MAP4: variants seen among roughly 807,000 people sequenced by gnomAD.
MAP4 encodes the protein microtubule associated protein 4, also known as microtubule-associated protein 4.
MAP4 carries 76 observed loss-of-function variants against 170.2 expected under a neutral mutation model. The ratio of observed to expected loss-of-function variants is 0.45; its 90% CI spans 0.37 to 0.54. The LOEUF is 0.54. MAP4 is among the 20% of genes least tolerant of loss of function. The pLI, the probability that MAP4 is intolerant of heterozygous loss-of-function variation, is 0.00. For missense variants in MAP4, 2,506 were observed against 2,748.0 expected (o/e 0.91, Z 1.97); for synonymous variants, 909 against 994.5 (o/e 0.91, Z 1.62).
At chr3:47,936,975 C>T (rs1325962581) in intron 3 of MAP4, among the ~76,000 whole-genome samples, 2 of 130,332 alleles carry the variant, frequency 1.5e-5, no homozygotes, top group African/African-American at 3.2e-5. Flanking sequence ...AGCGAAACTC[C>T]GTCTCAAAAA....
chr3:48,043,306 G>T lies in MAP4; in HGVS notation c.-19-44427C>A, dbSNP rs1268682582. ...AGTAGAGACGGGGTTTTGCCATGTT[G>T]GTCAGGCTGGTCTCGAACTCCTGGC... is the stretch of plus-strand genomic sequence containing the variant. On this transcript the variant is annotated intron_variant, in intron 1 of 18. Coordinates refer to the MAP4 transcript ENST00000360240. 6.6e-5 allele frequency among the ~76,000 whole-genome samples: 10 copies of T among 152,194 alleles called. No individual in the cohort carries two copies. The East Asian group carries it at 1.2e-3, about 18-fold the overall frequency.
exon 1 of MAP4, chr3:48,088,835 A>AGGAG (rs2100150835): frequency 6.6e-6 from 1 of 152,286 alleles, no homozygotes; most frequent in African/African-American, 2.4e-5. Flanking sequence ...AAGAGCCGTG[A>AGGAG]GGAGGTAGGA....
chr3:47,888,725 T>G (rs1020811093), intron 10 of MAP4, among the ~76,000 whole-genome samples: 1 of 152,226 alleles, frequency 6.6e-6, no homozygotes, highest in African/African-American at 2.4e-5. Context: ...AGTGGGACAT[T>G]TGAAGCTTAG....
At position 47,852,298 on chromosome 3, in the gene MAP4, A is replaced by C; in HGVS notation, c.*636T>G. The C allele has an allele frequency of 1.3e-5, 2 of 159,364 alleles. No individual in the cohort carries two copies. The highest frequency in any genetic ancestry group is 2.7e-5 in the Non-Finnish European group (2 of 73,128). 9.9% of individuals were successfully genotyped at this position (159,364 alleles called of 1,614,324 possible). A position where few individuals can be genotyped will look rare whatever the true frequency, so the allele number is the denominator to read the frequency against. Reference sequence around the variant, plus strand: ...AAAATGTGACAGCAGCTAGGCGGGTATGTTAAGCATGGGGACAGGCAGCAC... The same window carrying C: ...AAAATGTGACAGCAGCTAGGCGGGTCTGTTAAGCATGGGGACAGGCAGCAC... On this transcript the variant is annotated 3_prime_UTR_variant, in exon 21 of 21. Coordinates refer to ENST00000683076, the MANE Select transcript of MAP4 (RefSeq NM_001385682.1).
chr3:47,922,848 G>A (rs2100043717), intron 4 of MAP4, among the ~76,000 whole-genome samples: 1 of 152,142 alleles, frequency 6.6e-6, no homozygotes, highest in Non-Finnish European at 1.5e-5. Flanking sequence ...TGGAGATTGA[G>A]ACCATCCTGG....
chr3:48,065,998 G>A (rs1343950444), intron 1 of MAP4, among the ~76,000 whole-genome samples: 1 of 151,940 alleles, frequency 6.6e-6, no homozygotes, highest in African/African-American at 2.4e-5. Flanking sequence ...TAAACTGAAA[G>A]AAAATAAAAT....
Position 47,916,234 on chromosome 3 carries a change from G to C in MAP4, c.1593C>G (p.Ile531Met). ...TPPPETEVVL[I>M]KNVCLPPEME... ...TTTCTGGAGGCAGACATACGTTCTT[G>C]ATGAGAACTACTTCTGTTTCTGGAG... The change falls in exon 7 of 21, where the codon ATC (isoleucine) becomes ATG (methionine). Residue 531 changes from isoleucine to methionine, a missense_variant. This residue lies in a region of MAP4 where 2,008 missense variants were observed against 2,206.0 expected (regional missense o/e 0.91). Transcript: ENST00000683076. 1.9e-6 allele frequency: 3 copies of C among 1,614,186 alleles called. No homozygotes were observed. The highest frequency in any genetic ancestry group is 1.1e-5 in the South Asian group (1 of 91,084).
intron 1 of MAP4, among the ~76,000 whole-genome samples, chr3:48,004,829 A>C (rs1052409119): frequency 1.3e-5 from 2 of 151,896 alleles, no homozygotes; most frequent in African/African-American, 4.8e-5. Flanking sequence ...CCATAGTGGC[A>C]GCATAACCCC....
intron 1 of MAP4, among the ~76,000 whole-genome samples, chr3:48,064,042 T>G (rs1331697324): frequency 6.6e-6 from 1 of 152,194 alleles, no homozygotes. Flanking sequence ...TAGCCCAAAC[T>G]AACTTTGTTT....
intron 10 of MAP4, chr3:47,892,302 C>T: frequency 6.5e-7 from 1 of 1,536,246 alleles, no homozygotes; most frequent in Non-Finnish European, 8.7e-7. Context: ...TTCACAAGCC[C>T]ATCTTTTGGT....
At chr3:48,030,496 A>C (rs544691789) in intron 1 of MAP4, among the ~76,000 whole-genome samples, 61 of 150,546 alleles carry the variant, frequency 4.1e-4, no homozygotes, top group African/African-American at 1.4e-3. Context: ...AAAAAAAAAA[A>C]AACAACGATA....
intron 3 of MAP4, among the ~76,000 whole-genome samples, chr3:47,952,297 C>A (rs1454036854): frequency 4.6e-5 from 7 of 151,080 alleles, no homozygotes; most frequent in Non-Finnish European, 7.4e-5. Flanking sequence ...CCGCCCCATC[C>A]GGGAGGGAGG....
At chr3:47,952,740 T>C (rs1341591000) in intron 3 of MAP4, among the ~76,000 whole-genome samples, 1 of 151,878 alleles carries the variant, frequency 6.6e-6, no homozygotes, top group Non-Finnish European at 1.5e-5. Context: ...CTGGCCAATA[T>C]GGTGAAACTC....
intron 10 of MAP4, among the ~76,000 whole-genome samples, chr3:47,882,154 C>T (rs1281347120): frequency 6.6e-6 from 1 of 152,158 alleles, no homozygotes; most frequent in Admixed American, 6.5e-5. Context: ...TGGTGGGCGC[C>T]TGTAATCCCA....
intron 10 of MAP4, among the ~76,000 whole-genome samples, chr3:47,886,855 C>T (rs1457975647): frequency 1.3e-5 from 2 of 152,238 alleles, no homozygotes; most frequent in African/African-American, 2.4e-5. Flanking sequence ...ATATCCTCAG[C>T]GTTTCATCTG....
intron 3 of MAP4, among the ~76,000 whole-genome samples, chr3:47,970,898 A>G (rs2100078289): frequency 6.6e-6 from 1 of 152,234 alleles, no homozygotes; most frequent in African/African-American, 2.4e-5. Flanking sequence ...CTTATTCAAT[A>G]CAAAGCCCCA....
At chr3:47,890,568 C>T (rs967987942) in intron 10 of MAP4, among the ~76,000 whole-genome samples, 4 of 152,058 alleles carry the variant, frequency 2.6e-5, no homozygotes, top group African/African-American at 9.7e-5. Flanking sequence ...CTGATAAACC[C>T]ATTGTGAATC....
At chr3:47,999,446 C>A (rs895409877) in intron 1 of MAP4, among the ~76,000 whole-genome samples, 1 of 151,960 alleles carries the variant, frequency 6.6e-6, no homozygotes, top group Non-Finnish European at 1.5e-5. Context: ...TCTGTAGTCA[C>A]GTATATTACC....
chr3:47,910,566 G>T lies in MAP4; in HGVS notation c.3855C>A (p.Asp1285Glu). ...TAACCTGAAAATTTCCACCCTTCCT[G>T]TCAACTGCTTCCACTGTGGGTGTAT... is the stretch of plus-strand genomic sequence containing the variant. ...TPDTPTVEAVDRKGGNFQVNF... is the reference protein window; with the variant it reads ...TPDTPTVEAVERKGGNFQVNF... The change falls in exon 9 of 21, where the codon GAC becomes GAA. Residue 1285 changes from aspartate to glutamate, a missense_variant. Physicochemically the swap from Asp to Glu is conservative, Grantham distance 45 (BLOSUM62 2). Around this residue, in one of 3 missense-constraint regions of MAP4, gnomAD observed 2,008 missense variants for 2,206.0 expected, o/e 0.91. Coordinates refer to ENST00000683076, the MANE Select transcript of MAP4 (RefSeq NM_001385682.1). The T allele has an allele frequency of 6.5e-7, 1 of 1,536,074 alleles. No individual in the cohort carries two copies.
Sources: gnomAD v4.1 joint callset for allele counts (sites outside exome capture counted in the v4.1 genomes callset) on GRCh38, gnomAD v4.1.1 for gene constraint, gnomAD v4.1.1 regional missense constraint, MANE v1.5 for transcripts, NCBI Gene and HGNC (gene_info 2026-07-23, HGNC 2026-07-21) for gene names.